The following THADA variants were observed in gnomAD, a reference collection of about 807,000 sequenced individuals.
The protein encoded by THADA is tRNA (32-2'-O)-methyltransferase regulator THADA.
THADA carries 213 observed loss-of-function variants against 219.8 expected under a neutral mutation model. The observed-to-expected ratio is 0.97, with a 90% CI of 0.87 to 1.09. The LOEUF is 1.09. Ranked by LOEUF, THADA falls within the 50% of genes least tolerant of loss-of-function variation. The pLI, the probability that THADA is intolerant of heterozygous loss-of-function variation, is 0.00. For missense variants in THADA, 2,956 were observed against 2,311.3 expected (o/e 1.28, Z -5.72); for synonymous variants, 1,018 against 828.9 (o/e 1.23, Z -3.92).
chr2:43,322,977 C>T (rs1044846010), intron 30 of THADA, among the ~76,000 whole-genome samples: 1 of 152,072 alleles, frequency 6.6e-6, no homozygotes, highest in Non-Finnish European at 1.5e-5. Context: ...TGAGCCACCG[C>T]GCCAGGCTCT....
intron 28 of THADA, among the ~76,000 whole-genome samples, chr2:43,409,860 T>C (rs775923728): frequency 5.3e-5 from 8 of 150,466 alleles, no homozygotes; most frequent in Admixed American, 2.6e-4. Flanking sequence ...CTACAAAAAA[T>C]AAAAAAAATA....
At chr2:43,468,236 T>C (rs1684494534) in intron 26 of THADA, among the ~76,000 whole-genome samples, 1 of 152,228 alleles carries the variant, frequency 6.6e-6, no homozygotes. Context: ...GGAGTAACGC[T>C]GTTGTTAATC....
chr2:43,345,416 A>C (rs1230755516), intron 29 of THADA, among the ~76,000 whole-genome samples: 1 of 152,174 alleles, frequency 6.6e-6, no homozygotes, highest in African/African-American at 2.4e-5. Flanking sequence ...AATCAAAATA[A>C]ATTTCTTCTA....
chr2:43,335,474 T>C (rs1297202579), intron 30 of THADA, among the ~76,000 whole-genome samples: 1 of 152,164 alleles, frequency 6.6e-6, no homozygotes, highest in Non-Finnish European at 1.5e-5. Context: ...CTTCATGAGA[T>C]TCCTTCCAGT....
chr2:43,435,791 A>C (rs1230634444), intron 26 of THADA, among the ~76,000 whole-genome samples: 1 of 150,574 alleles, frequency 6.6e-6, no homozygotes, highest in Non-Finnish European at 1.5e-5. Flanking sequence ...CAAAAAAAAA[A>C]AAAAAAAAAG....
intron 28 of THADA, among the ~76,000 whole-genome samples, chr2:43,422,297 G>C (rs1307550636): frequency 2.0e-5 from 3 of 152,176 alleles, no homozygotes; most frequent in Non-Finnish European, 4.4e-5. Flanking sequence ...AGTCTCTCAA[G>C]TATATAAAGA....
chr2:43,277,523 C>A (rs1672852895), intron 36 of THADA, among the ~76,000 whole-genome samples: 1 of 152,348 alleles, frequency 6.6e-6, no homozygotes, highest in Middle Eastern at 3.4e-3. Flanking sequence ...GCACCTCCTA[C>A]TTCCCCAAGC....
At chr2:43,359,957 A>G (rs1244236413) in intron 29 of THADA, among the ~76,000 whole-genome samples, 1 of 151,348 alleles carries the variant, frequency 6.6e-6, no homozygotes, top group Non-Finnish European at 1.5e-5. Flanking sequence ...ATTATTAGAT[A>G]TATTCCAAGA....
intron 36 of THADA, among the ~76,000 whole-genome samples, chr2:43,274,700 T>C (rs1672514885): frequency 6.6e-6 from 1 of 152,136 alleles, no homozygotes; most frequent in African/African-American, 2.4e-5. Flanking sequence ...GCAGAAGTTT[T>C]ACATGACTTT....
At chr2:43,544,371 G>A (rs1001714210) in intron 20 of THADA, among the ~76,000 whole-genome samples, 1 of 152,080 alleles carries the variant, frequency 6.6e-6, no homozygotes, top group Non-Finnish European at 1.5e-5. Flanking sequence ...CTTTTTTGGT[G>A]CCATATGAAC....
At chr2:43,247,937 G>A (rs1238335347) in intron 36 of THADA, among the ~76,000 whole-genome samples, 1 of 150,980 alleles carries the variant, frequency 6.6e-6, no homozygotes, top group Non-Finnish European at 1.5e-5. Flanking sequence ...CTGCTACTTG[G>A]GAAGCTGAGG....
chr2:43,363,388 G>A (rs1669746737), intron 29 of THADA, among the ~76,000 whole-genome samples: 1 of 152,148 alleles, frequency 6.6e-6, no homozygotes, highest in Non-Finnish European at 1.5e-5. Flanking sequence ...GCAGTCTGTG[G>A]TTGACTGAAA....
intron 31 of THADA, among the ~76,000 whole-genome samples, chr2:43,304,388 C>T (rs922621483): frequency 6.6e-6 from 1 of 151,960 alleles, no homozygotes; most frequent in Non-Finnish European, 1.5e-5. Flanking sequence ...AACCCAACAA[C>T]AACAAAAAAA....
chr2:43,322,674 CTTTTTTTTTTTTTTTTT>C (rs34557514), intron 30 of THADA, among the ~76,000 whole-genome samples: 4 of 54,814 alleles, frequency 7.3e-5, no homozygotes, highest in Admixed American at 2.4e-4. Context: ...ACATTCTATT[CTTTTTTTTTTTTTTTTT>C]TTTTTTTTTT....
intron 26 of THADA, among the ~76,000 whole-genome samples, chr2:43,482,119 G>T (rs1323666898): frequency 6.6e-6 from 1 of 152,190 alleles, no homozygotes; most frequent in Non-Finnish European, 1.5e-5. Context: ...CATAAAATCA[G>T]TTCTTCATTC....
chr2:43,487,456 C>A (rs572392633), intron 25 of THADA, among the ~76,000 whole-genome samples: 1 of 152,184 alleles, frequency 6.6e-6, no homozygotes, highest in East Asian at 1.9e-4. Context: ...TGGATACCCT[C>A]TGAAACAAAA....
At chr2:43,263,878 C>T (rs1217785711) in intron 36 of THADA, among the ~76,000 whole-genome samples, 1 of 152,116 alleles carries the variant, frequency 6.6e-6, no homozygotes, top group Non-Finnish European at 1.5e-5. Flanking sequence ...TTTCCTCATG[C>T]TCTCCCTCCT....
At chr2:43,332,863 T>A (rs528239813) in intron 30 of THADA, among the ~76,000 whole-genome samples, 130 of 152,338 alleles carry the variant, frequency 8.5e-4, no homozygotes, top group African/African-American at 3.0e-3. Flanking sequence ...GTAGAAAGCA[T>A]CAGCAGTTGG....
chr2:43,549,789 TATTTG>T (rs1329353711), intron 19 of THADA, among the ~76,000 whole-genome samples: 3 of 152,134 alleles, frequency 2.0e-5, no homozygotes, highest in East Asian at 1.9e-4. Flanking sequence ...AAAAAATCAA[TATTTG>T]ATTTAAAATA....
Sources: gnomAD v4.1 joint callset for allele counts (sites outside exome capture counted in the v4.1 genomes callset) on GRCh38, gnomAD v4.1.1 for gene constraint, MANE v1.5 for transcripts, NCBI Gene and HGNC (gene_info 2026-07-23, HGNC 2026-07-21) for gene names.